The following FSIP1 variants were observed in gnomAD, a reference collection of about 807,000 sequenced individuals.
The protein encoded by FSIP1 is fibrous sheath-interacting protein 1.
FSIP1 carries 65 observed loss-of-function variants against 60.9 expected under a neutral mutation model. The observed-to-expected ratio is 1.07, with a 90% confidence interval of 0.87 to 1.31. The LOEUF is 1.31. Ranked by LOEUF, FSIP1 falls within the 40% of genes most tolerant of loss-of-function variation. The pLI is 0.00. For missense variants in FSIP1, 675 were observed against 665.5 expected (o/e 1.01, Z -0.16); for synonymous variants, 209 against 221.2 (o/e 0.94, Z 0.49).
At chr15:39,641,531 C>A (rs1354789402) in intron 10 of FSIP1, among the ~76,000 whole-genome samples, 1 of 152,098 alleles carries the variant, frequency 6.6e-6, no homozygotes, top group Middle Eastern at 3.2e-3. Context: ...TATTTGAAAG[C>A]AAATAAGCAC....
intron 10 of FSIP1, among the ~76,000 whole-genome samples, chr15:39,679,305 T>C (rs1894067056): frequency 6.6e-6 from 1 of 152,148 alleles, no homozygotes; most frequent in Admixed American, 6.5e-5. Flanking sequence ...GCCAAAGACA[T>C]CAAGACAAAT....
intron 10 of FSIP1, among the ~76,000 whole-genome samples, chr15:39,652,793 T>C (rs1166473984): frequency 6.6e-6 from 1 of 152,244 alleles, no homozygotes; most frequent in East Asian, 1.9e-4. Context: ...TACAGCATGT[T>C]ACTGCATTGA....
At chr15:39,724,624 G>A (rs1372260458) in intron 9 of FSIP1, among the ~76,000 whole-genome samples, 1 of 152,174 alleles carries the variant, frequency 6.6e-6, no homozygotes, top group African/African-American at 2.4e-5. Context: ...TTTAAGAAGA[G>A]AAGGAAATAA....
intron 5 of FSIP1, among the ~76,000 whole-genome samples, chr15:39,757,491 T>C (rs1332778976): frequency 6.6e-6 from 1 of 152,086 alleles, no homozygotes; most frequent in African/African-American, 2.4e-5. Context: ...TTTCCTCTTT[T>C]AGAATAAGGT....
At chr15:39,661,117 T>C (rs368333830) in intron 10 of FSIP1, among the ~76,000 whole-genome samples, 1 of 152,184 alleles carries the variant, frequency 6.6e-6, no homozygotes, top group Non-Finnish European at 1.5e-5. Context: ...AAATTAACCA[T>C]TTGAACAGCT....
At chr15:39,770,354 C>T (rs375634209) in intron 3 of FSIP1, 73 bp downstream of exon 3, 18 of 1,189,692 alleles carry the variant, frequency 1.5e-5, no homozygotes, top group Middle Eastern at 4.0e-4. Context: ...ATACTAACAC[C>T]TTAAATATAA....
intron 11 of FSIP1, 85 bp downstream of exon 11, chr15:39,617,650 C>T (rs1017276022): frequency 4.1e-5 from 48 of 1,175,986 alleles, no homozygotes; most frequent in Non-Finnish European, 5.6e-5. Context: ...TACCTTCTTA[C>T]CCGACTCTAA....
chr15:39,673,040 A>G (rs1893782237), intron 10 of FSIP1, among the ~76,000 whole-genome samples: 1 of 152,222 alleles, frequency 6.6e-6, no homozygotes, highest in South Asian at 2.1e-4. Context: ...AACAACTGAG[A>G]CCACAGGATA....
intron 11 of FSIP1, among the ~76,000 whole-genome samples, chr15:39,604,019 C>T: frequency 6.6e-6 from 1 of 152,194 alleles, no homozygotes; most frequent in Non-Finnish European, 1.5e-5. Flanking sequence ...GCAACCTCCA[C>T]CTCCCGAGTT....
At chr15:39,631,069 G>T (rs1329680067) in intron 10 of FSIP1, among the ~76,000 whole-genome samples, 1 of 152,176 alleles carries the variant, frequency 6.6e-6, no homozygotes, top group Non-Finnish European at 1.5e-5. Flanking sequence ...CTGGCACCAG[G>T]TCCTCCTCAT....
At position 39,770,527 on chromosome 15, in the gene FSIP1, A is replaced by G; in HGVS notation, c.210T>C (p.Asp70=). ...SNTENRRTSN[D]DKQESCSEKI... is the part of the protein sequence containing the mutation. ...TCTCAGAGCAGCTTTCCTGCTTATC[A>G]TCATTACTAGTTCTTCTGTTCTCTG... Residue 70 remains aspartate (D), a synonymous_variant, in exon 3 of 12, where the codon GAT becomes GAC. Transcript: ENST00000350221. The G allele has an allele frequency of 6.2e-7, 1 of 1,611,470 alleles. No homozygotes were observed. Among genetic ancestry groups the G allele is most frequent in the South Asian group, 1.1e-5 (1 of 90,568 alleles).
chr15:39,657,314 G>C (rs1893109772), intron 10 of FSIP1, among the ~76,000 whole-genome samples: 1 of 152,112 alleles, frequency 6.6e-6, no homozygotes, highest in Admixed American at 6.5e-5. Context: ...AATTTGGAAA[G>C]AAGTTCAAAG....
intron 1 of FSIP1, among the ~76,000 whole-genome samples, chr15:39,779,763 T>C (rs1349369890): frequency 6.6e-6 from 1 of 152,232 alleles, no homozygotes; most frequent in African/African-American, 2.4e-5. Context: ...AAGTTTTTCA[T>C]AGAGGCTTCT....
intron 10 of FSIP1, among the ~76,000 whole-genome samples, chr15:39,647,098 G>C (rs751470816): frequency 1.3e-5 from 2 of 152,182 alleles, no homozygotes; most frequent in Admixed American, 1.3e-4. Context: ...CAGGGATGTG[G>C]TGAGACTGGT....
At chr15:39,766,292 T>C (rs2576933) in intron 3 of FSIP1, among the ~76,000 whole-genome samples, 87,933 of 152,060 alleles carry the variant, frequency 0.58, 25,867 homozygotes, top group African/African-American at 0.66. Context: ...ATGCTGCTTC[T>C]TTTGTTCTAA....
intron 10 of FSIP1, among the ~76,000 whole-genome samples, chr15:39,706,461 G>A (rs1235875363): frequency 1.3e-5 from 2 of 152,116 alleles, no homozygotes; most frequent in African/African-American, 2.4e-5. Context: ...TGATAAGGCT[G>A]AATATTATTC....
intron 10 of FSIP1, among the ~76,000 whole-genome samples, chr15:39,642,902 G>C (rs374170417): frequency 6.6e-5 from 10 of 152,248 alleles, no homozygotes; most frequent in East Asian, 3.9e-4. Context: ...AAACAATGTT[G>C]TACTATAATT....
chr15:39,746,260 G>A (rs1018137995), intron 5 of FSIP1, among the ~76,000 whole-genome samples: 4 of 152,000 alleles, frequency 2.6e-5, no homozygotes, highest in South Asian at 4.2e-4. Context: ...CTGAAACAGC[G>A]CAGGGGCAGA....
At position 39,770,634 on chromosome 15, in the gene FSIP1, AC is replaced by A; in HGVS notation, c.127-25del. ...ACCTAAAAATAATTTCAAAAAAAAA[AC>A]AGTTTCCGAAAATACTGTCTTTTTT... On this transcript the variant is annotated intron_variant, in intron 2 of 11. Transcript: ENST00000350221. The A allele has an allele frequency of 2.8e-6, 4 of 1,406,130 alleles. No homozygotes were observed. In the African/African-American group the frequency reaches 5.8e-5, roughly 20 times the overall value. 87.1% of individuals were successfully genotyped at this position (1,406,130 alleles called of 1,614,324 possible).
Sources: gnomAD v4.1 joint callset for allele counts (sites outside exome capture counted in the v4.1 genomes callset) on GRCh38, gnomAD v4.1.1 for gene constraint, MANE v1.5 for transcripts, NCBI Gene and HGNC (gene_info 2026-07-23, HGNC 2026-07-21) for gene names.